The following CDH19 variants were observed in gnomAD, a reference collection of about 807,000 sequenced individuals.
The protein encoded by CDH19 is cadherin-19.
In CDH19, 67 loss-of-function variants were observed where a neutral mutation model predicts 64.2. The observed-to-expected ratio is 1.04, with a 90% CI of 0.86 to 1.28. CDH19 has a LOEUF of 1.28. Among genes scored for constraint, CDH19 ranks in the 50% most tolerant of loss-of-function variants. The pLI is 0.00. For missense variants in CDH19, 1,030 were observed against 929.0 expected (o/e 1.11, Z -1.41); for synonymous variants, 346 against 319.3 (o/e 1.08, Z -0.89).
intron 11 of CDH19, among the ~76,000 whole-genome samples, chr18:66,505,827 T>C (rs1985172731): frequency 6.6e-6 from 1 of 151,808 alleles, no homozygotes; most frequent in South Asian, 2.1e-4. Context: ...GAAGCATACA[T>C]CAGGCATTCT....
At chr18:66,568,772 A>T in intron 2 of CDH19, 62 bp from the exon 3 acceptor site, 9 of 1,365,180 alleles carry the variant, frequency 6.6e-6, no homozygotes, top group Non-Finnish European at 8.9e-6. Flanking sequence ...ATCAAAATCA[A>T]GATTTTCTTT....
chr18:66,560,455 CTG>C (rs1987678615), intron 3 of CDH19, among the ~76,000 whole-genome samples: 2 of 151,502 alleles, frequency 1.3e-5, no homozygotes, highest in South Asian at 4.2e-4. Context: ...TTAAAACAGA[CTG>C]TAGATCCAAA....
intron 9 of CDH19, among the ~76,000 whole-genome samples, chr18:66,512,251 T>C (rs1985526800): frequency 6.6e-6 from 1 of 151,574 alleles, no homozygotes; most frequent in African/African-American, 2.4e-5. Flanking sequence ...ATCAAATAAG[T>C]TCATCTCTAT....
intron 1 of CDH19, among the ~76,000 whole-genome samples, chr18:66,573,733 G>T (rs1448715898): frequency 1.3e-5 from 2 of 151,474 alleles, no homozygotes; most frequent in East Asian, 3.9e-4. Context: ...ATGGTATTTT[G>T]ATACATATAA....
At chr18:66,518,969 G>T (rs2144373577) in intron 9 of CDH19, among the ~76,000 whole-genome samples, 1 of 152,172 alleles carries the variant, frequency 6.6e-6, no homozygotes, top group Middle Eastern at 3.4e-3. Context: ...TAAACCAATG[G>T]TTACATCTTA....
intron 1 of CDH19, among the ~76,000 whole-genome samples, chr18:66,585,945 G>C (rs1264916197): frequency 6.6e-6 from 1 of 151,988 alleles, no homozygotes; most frequent in Non-Finnish European, 1.5e-5. Flanking sequence ...TTTCAAAGAA[G>C]ACTAATTACG....
In CDH19 at chr18:66,544,920, G is replaced by T. The variant is rs776652727; in HGVS notation, c.776-17C>A. On this transcript the variant is annotated splice_polypyrimidine_tract_variant and intron_variant, in intron 5 of 11. Transcript: ENST00000262150. ...GGTATAAACCTTTAAAAACAAAATTGGAGGTATTTTGGATAAATACTTAAT... is the reference window on the plus strand; with the variant it reads ...GGTATAAACCTTTAAAAACAAAATTTGAGGTATTTTGGATAAATACTTAAT... The T allele has an allele frequency of 5.2e-6, 8 of 1,538,276 alleles. No individual in the cohort carries two copies. In the South Asian group the frequency reaches 6.3e-5, roughly 12 times the overall value.
intron 11 of CDH19, among the ~76,000 whole-genome samples, chr18:66,507,054 C>T (rs1200736095): frequency 6.6e-6 from 1 of 151,834 alleles, no homozygotes; most frequent in African/African-American, 2.4e-5. Context: ...CTAAATTTTA[C>T]TCACATTTGT....
rs1380944119 is a variant in CDH19 at position 66,501,661 on chromosome 18, A to G, written c.*3151T>C. 2 of 152,118 alleles carry G rather than the reference A, an allele frequency of 1.3e-5. No individual in the cohort carries two copies. The highest frequency in any genetic ancestry group is 4.8e-5 in the African/African-American group (2 of 41,438). The allele number at this position is 152,118 out of a possible 1,614,324, so 9.4% of individuals were successfully genotyped here. ...ATAGAATACCATTAGCTGTTGTTAT[A>G]ATAATTCACTGTTATTTATTGAGCA... On this transcript the variant is annotated 3_prime_UTR_variant, in exon 12 of 12. Transcript: ENST00000262150.
At chr18:66,530,964 G>A (rs1986420948) in intron 8 of CDH19, among the ~76,000 whole-genome samples, 2 of 152,022 alleles carry the variant, frequency 1.3e-5, no homozygotes, top group South Asian at 2.1e-4. Context: ...GACACGCCGC[G>A]TTATCATAAT....
rs750755035 is a variant in CDH19, at chr18:66,504,835, A to G, written c.2296T>C (p.Ser766Pro). 4.4e-6 allele frequency: 7 copies of G among 1,604,794 alleles called. No homozygotes were observed. The highest frequency in any genetic ancestry group is 6.0e-6 in the Non-Finnish European group (7 of 1,172,528). Residue 766 changes from serine to proline, a missense_variant, in exon 12 of 12, where the codon TCT becomes CCT. By Grantham distance (74) the Ser-to-Pro change is moderately conservative. Coordinates refer to ENST00000262150, the MANE Select transcript of CDH19 (RefSeq NM_021153.4). ...RFKRLACMFGSAVQSNN is the reference protein window; with the variant it reads ...RFKRLACMFGPAVQSNN ...CCCTAATTATTTGACTGCACTGCAG[A>G]ACCAAACATGCATGCTAATCTTTTA...
chr18:66,567,020 C>T (rs1007042351), intron 3 of CDH19, among the ~76,000 whole-genome samples: 5 of 151,790 alleles, frequency 3.3e-5, no homozygotes, highest in Admixed American at 1.3e-4. Flanking sequence ...CCTAAAATGT[C>T]CCGTTTCCTC....
chr18:66,511,682 T>C lies in CDH19; in HGVS notation c.1462A>G (p.Ile488Val). Reference sequence around the variant, plus strand: ...CTATCCACTGCACTGATAGTCTGAATTACCTAAAAAAAAAGGGGGATAGAT... The same window carrying C: ...CTATCCACTGCACTGATAGTCTGAACTACCTAAAAAAAAAGGGGGATAGAT... Reference protein sequence around the residue: ...VCENAGSGQVIQTISAVDRDE... With the variant: ...VCENAGSGQVVQTISAVDRDE... Residue 488 changes from isoleucine to valine, a missense_variant, in exon 10 of 12, where the codon ATT (isoleucine) becomes GTT (valine). Ile to Val is a conservative substitution (Grantham distance 29). Coordinates refer to ENST00000262150, the MANE Select transcript of CDH19 (RefSeq NM_021153.4). 1 of 1,460,064 alleles carries C rather than the reference T, an allele frequency of 6.8e-7. No individual in the cohort carries two copies. Among genetic ancestry groups the C allele is most frequent in the Non-Finnish European group, 9.5e-7 (1 of 1,047,616 alleles). The allele number at this position is 1,460,064 out of a possible 1,614,324, so 90.4% of individuals were successfully genotyped here. A position where few individuals can be genotyped will look rare whatever the true frequency, so the allele number is the denominator to read the frequency against.
chr18:66,571,971 G>T, intron 2 of CDH19, 39 bp downstream of exon 2: 2 of 1,417,604 alleles, frequency 1.4e-6, no homozygotes, highest in East Asian at 2.3e-5. Flanking sequence ...TATTTACATT[G>T]TTGTGCTATT....
chr18:66,596,808 C>T (rs1030557846), intron 1 of CDH19, among the ~76,000 whole-genome samples: 18 of 151,792 alleles, frequency 1.2e-4, no homozygotes, highest in East Asian at 1.9e-4. Context: ...CTAGGCCGGG[C>T]GCGGTGGCTC....
intron 9 of CDH19, among the ~76,000 whole-genome samples, chr18:66,514,751 A>G (rs567185146): frequency 4.6e-5 from 7 of 151,650 alleles, no homozygotes; most frequent in African/African-American, 1.7e-4. Flanking sequence ...AGAAAAAGTC[A>G]CACATGGGCC....
At chr18:66,596,926 CA>C (rs1482699762) in intron 1 of CDH19, among the ~76,000 whole-genome samples, 2 of 148,464 alleles carry the variant, frequency 1.3e-5, no homozygotes, top group Non-Finnish European at 3.0e-5. Context: ...ACTAAAAATA[CA>C]AAAAATTAGC....
intron 3 of CDH19, among the ~76,000 whole-genome samples, chr18:66,560,572 G>A (rs954062080): frequency 2.0e-5 from 3 of 151,836 alleles, no homozygotes; most frequent in Non-Finnish European, 4.4e-5. Context: ...TTCAGAATCA[G>A]GGCAAATATA....
At chr18:66,514,457 A>G (rs1243722692) in intron 9 of CDH19, among the ~76,000 whole-genome samples, 1 of 151,494 alleles carries the variant, frequency 6.6e-6, no homozygotes, top group African/African-American at 2.4e-5. Context: ...GTAAGAGTAC[A>G]GCCAATGAGC....
Sources: gnomAD v4.1 joint callset for allele counts (sites outside exome capture counted in the v4.1 genomes callset) on GRCh38, gnomAD v4.1.1 for gene constraint, MANE v1.5 for transcripts, NCBI Gene and HGNC (gene_info 2026-07-23, HGNC 2026-07-21) for gene names.